The following PSMD1 variants were observed in gnomAD, a reference collection of about 807,000 sequenced individuals.
PSMD1 encodes the protein proteasome 26S subunit, non-ATPase 1.
In PSMD1, 18 loss-of-function variants were observed where a neutral mutation model predicts 119.0. The observed-to-expected ratio is 0.15, with a 90% confidence interval of 0.10 to 0.22. The LOEUF (loss-of-function observed/expected upper bound fraction) is 0.22, where lower values mean the gene tolerates loss of function less well. Among genes scored for constraint, PSMD1 ranks in the 10% least tolerant of loss-of-function variants. The probability of loss-of-function intolerance (pLI) is 1.00; values close to 1 mark genes in which losing one functional copy is unlikely to be tolerated. For synonymous variants in PSMD1, 374 were observed against 396.6 expected, an observed-to-expected ratio of 0.94 and a Z score of 0.68; for missense variants, 702 against 1,158.5, an observed-to-expected ratio of 0.61 and a Z score of 5.72.
At chr2:231,076,399 G>T (rs1694167621) in intron 8 of PSMD1, among the ~76,000 whole-genome samples, 1 of 152,196 alleles carries the variant, frequency 6.6e-6, no homozygotes, top group African/African-American at 2.4e-5. Flanking sequence ...GGGCACTGTG[G>T]TTCATGCATG....
intron 4 of PSMD1, among the ~76,000 whole-genome samples, chr2:231,065,537 G>C (rs1386615264): frequency 6.6e-6 from 1 of 151,416 alleles, no homozygotes; most frequent in Admixed American, 6.6e-5. Context: ...CTGACCTCGT[G>C]ATCCACCCGC....
At chr2:231,099,674 A>G (rs1042398085) in intron 16 of PSMD1, among the ~76,000 whole-genome samples, 6 of 152,060 alleles carry the variant, frequency 3.9e-5, no homozygotes, top group South Asian at 2.1e-4. Flanking sequence ...GTGAGGCTCA[A>G]TTTCCCCACT....
rs1285823300 is a variant in PSMD1 at position 231,172,730 on chromosome 2, A to T, written c.*205A>T. 6.6e-6 allele frequency: 1 copy of T among 152,226 alleles called. No individual in the cohort carries two copies. Among genetic ancestry groups the T allele is most frequent in the Non-Finnish European group, 1.5e-5 (1 of 68,046 alleles). The allele number at this position is 152,226 out of a possible 1,614,324, so 9.4% of individuals were successfully genotyped here. The stretch of plus-strand genomic sequence containing the variant: ...TGCTCTTTCACAGAACTTGGTTTTC[A>T]AATAAATATAAGATCTCCAGATGGA... On this transcript the variant is annotated 3_prime_UTR_variant, in exon 25 of 25. Coordinates refer to ENST00000308696, the MANE Select transcript of PSMD1 (RefSeq NM_002807.4).
intron 14 of PSMD1, among the ~76,000 whole-genome samples, chr2:231,084,634 C>T (rs999592494): frequency 6.6e-6 from 1 of 152,102 alleles, no homozygotes; most frequent in Non-Finnish European, 1.5e-5. Context: ...CTCCATCTTT[C>T]TTCCACTCAG....
At chr2:231,075,633 G>T (rs560603085) in intron 8 of PSMD1, 62 bp downstream of exon 8, 3 of 1,481,652 alleles carry the variant, frequency 2.0e-6, no homozygotes, top group Non-Finnish European at 2.8e-6. Context: ...AGGCTAGAAC[G>T]CAGTGGCGCG....
chr2:231,110,731 T>A (rs1695130085), intron 16 of PSMD1, among the ~76,000 whole-genome samples: 2 of 152,260 alleles, frequency 1.3e-5, no homozygotes, highest in Non-Finnish European at 2.9e-5. Context: ...ATACTACAGT[T>A]TGAGGACCAT....
At chr2:231,098,865 G>GC (rs1012032672) in intron 16 of PSMD1, among the ~76,000 whole-genome samples, 27 of 152,158 alleles carry the variant, frequency 1.8e-4, no homozygotes, top group South Asian at 8.3e-4. Flanking sequence ...AAAGCCAATG[G>GC]CCCCCCCTTC....
At chr2:231,113,621 G>T in intron 16 of PSMD1, 1 of 936,000 alleles carries the variant, frequency 1.1e-6, no homozygotes, top group Non-Finnish European at 1.8e-6. Context: ...CAGTAGGCTG[G>T]CTTGACCTCT....
chr2:231,123,710 A>G (rs780394258), intron 16 of PSMD1: 1 of 1,614,138 alleles, frequency 6.2e-7, no homozygotes, highest in South Asian at 1.1e-5. Flanking sequence ...GTGCTCTGCA[A>G]AATGTGCTCA....
chr2:231,057,351 T>C (rs1458504492), intron 1 of PSMD1, among the ~76,000 whole-genome samples: 1 of 152,106 alleles, frequency 6.6e-6, no homozygotes, highest in Non-Finnish European at 1.5e-5. Flanking sequence ...TTTCTGTGCC[T>C]CCCATTCTTG....
rs1474195411 is a variant in PSMD1, at chr2:231,109,094, T to G, written c.1883+21913T>G. 1.9e-6 allele frequency: 3 copies of G among 1,614,210 alleles called. No individual in the cohort carries two copies. The Admixed American group carries it at 5.0e-5, about 27-fold the overall frequency. ...ATCACCTGAGTTGGGCAGAGCCTTG[T>G]CCTTTCGAGAACCATCCAGCATTGC... On this transcript the variant is annotated intron_variant, in intron 16 of 24. Coordinates refer to ENST00000308696, the MANE Select transcript of PSMD1 (RefSeq NM_002807.4).
chr2:231,073,932 T>C (rs1694099263), intron 7 of PSMD1, among the ~76,000 whole-genome samples: 1 of 152,194 alleles, frequency 6.6e-6, no homozygotes, highest in Non-Finnish European at 1.5e-5. Context: ...CAGAATTCTG[T>C]TTATTGGCAT....
chr2:231,123,474 C>A, intron 16 of PSMD1: 1 of 1,614,054 alleles, frequency 6.2e-7, no homozygotes. Context: ...AATCAGCCAC[C>A]GCCAAGGACA....
intron 16 of PSMD1, among the ~76,000 whole-genome samples, chr2:231,128,063 A>G (rs1434145105): frequency 6.6e-6 from 1 of 152,218 alleles, no homozygotes; most frequent in Non-Finnish European, 1.5e-5. Flanking sequence ...AATATTCTTT[A>G]TAGGTCTAGG....
chr2:231,083,296 TA>T (rs1449391075), intron 13 of PSMD1, among the ~76,000 whole-genome samples: 3 of 152,246 alleles, frequency 2.0e-5, no homozygotes, highest in Non-Finnish European at 2.9e-5. Context: ...AAATGTTATC[TA>T]AATGTCTCCT....
intron 16 of PSMD1, among the ~76,000 whole-genome samples, chr2:231,119,879 A>AG (rs1172650621): frequency 5.3e-5 from 8 of 151,634 alleles, no homozygotes; most frequent in Non-Finnish European, 1.2e-4. Context: ...CAAAAAAAAA[A>AG]AAAAAAAAAA....
In PSMD1 at chr2:231,119,110, A is replaced by G. The variant is rs942236980; in HGVS notation, c.1884-19626A>G. ...AATATGATAGTGTTTTAAATGTTTT[A>G]AGCATTTTAATGCTTACAGAATTTT... On this transcript the variant is annotated intron_variant, in intron 16 of 24. Transcript: ENST00000308696. Among the ~76,000 whole-genome samples the G allele has an allele frequency of 7.5e-4, 115 of 152,322 alleles. 1 individual carries two copies. Among genetic ancestry groups the G allele is most frequent in the African/African-American group, 2.5e-3 (105 of 41,576 alleles).
intron 10 of PSMD1, 101 bp from the exon 11 acceptor site, chr2:231,079,435 G>C (rs970732046): frequency 3.3e-6 from 2 of 605,162 alleles, no homozygotes; most frequent in Non-Finnish European, 5.5e-6. Flanking sequence ...AATTTGGAAG[G>C]GTTCAAGGTA....
rs576820651 is a variant in PSMD1, at chr2:231,138,914, A to T, written c.1998+64A>T. 4.8e-5 allele frequency: 57 copies of T among 1,187,996 alleles called. No homozygotes were observed. The South Asian group carries it at 6.6e-4, about 14-fold the overall frequency. The allele number at this position is 1,187,996 out of a possible 1,614,324, so 73.6% of individuals were successfully genotyped here. ...GCCAGACTGTTTTCCCTCGCCGCAGAATTTATGTAACAGCTGTAAAAATAC... is the reference window on the plus strand; with the variant it reads ...GCCAGACTGTTTTCCCTCGCCGCAGTATTTATGTAACAGCTGTAAAAATAC... On this transcript the variant is annotated intron_variant, in intron 17 of 24. Coordinates refer to ENST00000308696, the MANE Select transcript of PSMD1 (RefSeq NM_002807.4).
Sources: gnomAD v4.1 joint callset for allele counts (sites outside exome capture counted in the v4.1 genomes callset) on GRCh38, gnomAD v4.1.1 for gene constraint, MANE v1.5 for transcripts, NCBI Gene and HGNC (gene_info 2026-07-23, HGNC 2026-07-21) for gene names.